Variants in LRRC7 observed in about 807,000 individuals in gnomAD.
LRRC7 encodes leucine rich repeat containing 7.
A neutral mutation model predicts 175.7 loss-of-function variants in LRRC7; 23 were observed. The observed-to-expected ratio is 0.13, with a 90% confidence interval of 0.09 to 0.19. LRRC7 has a LOEUF of 0.19. Among genes scored for constraint, LRRC7 ranks in the 10% least tolerant of loss-of-function variants. The pLI is 1.00. For missense variants in LRRC7, 1,354 were observed against 1,904.7 expected (o/e 0.71, Z 5.38); for synonymous variants, 685 against 680.9 (o/e 1.01, Z -0.09).
chr1:69,730,237 A>G (rs1667420922), intron 2 of LRRC7, among the ~76,000 whole-genome samples: 1 of 152,172 alleles, frequency 6.6e-6, no homozygotes, highest in African/African-American at 2.4e-5. Flanking sequence ...TGTCTTGGTG[A>G]TTAGTATTTG....
intron 7 of LRRC7, among the ~76,000 whole-genome samples, chr1:69,896,503 A>G (rs897256942): frequency 4.6e-5 from 7 of 152,096 alleles, no homozygotes; most frequent in Admixed American, 1.3e-4. Context: ...CATATTTTAG[A>G]TATTTATTAT....
At chr1:70,020,907 TG>T in intron 15 of LRRC7, 97 bp from the exon 16 acceptor site, 1 of 846,842 alleles carries the variant, frequency 1.2e-6, no homozygotes, top group South Asian at 3.7e-5. Context: ...TTTCCGTATT[TG>T]TTTGTAGTAT....
intron 8 of LRRC7, among the ~76,000 whole-genome samples, chr1:69,964,887 A>G (rs1248853763): frequency 2.0e-5 from 3 of 152,184 alleles, no homozygotes; most frequent in Non-Finnish European, 4.4e-5. Flanking sequence ...CTCTTATGGC[A>G]TGGTTTCCAG....
At chr1:69,827,351 C>G (rs1428198393) in intron 5 of LRRC7, among the ~76,000 whole-genome samples, 1 of 152,038 alleles carries the variant, frequency 6.6e-6, no homozygotes, top group Non-Finnish European at 1.5e-5. Context: ...TGAGAAATTT[C>G]AAGTCTATGG....
Position 70,036,507 on chromosome 1 carries a change from C to G in LRRC7, c.2171C>G (p.Thr724Ser). Residue 724 changes from threonine (T) to serine (S), a missense_variant, in exon 20 of 27, where the codon ACT becomes AGT. Around this residue, in one of 4 missense-constraint regions of LRRC7, gnomAD observed 1,032 missense variants for 1,227.2 expected, o/e 0.84. Transcript: ENST00000651989. ...HCLNNSVSSG[T>S]YSDYSPSQAS... ...CTGAATAACAGTGTTTCCTCAGGCA[C>G]TTACTCAGACTACTCGCCTTCCCAG... is the stretch of plus-strand genomic sequence containing the variant. 1 of 1,614,008 alleles carries G rather than the reference C, an allele frequency of 6.2e-7. No individual in the cohort carries two copies. The highest frequency in any genetic ancestry group is 1.1e-5 in the South Asian group (1 of 91,082).
At position 69,792,064 on chromosome 1, in the gene LRRC7, C is replaced by T. The variant is rs1256510461; in HGVS notation, c.325C>T (p.Leu109=). ...ACAGCAATTGTTCAACTGTCAAGCT[C>T]TACGAAAACTAAGTATTCCTGATAA... The part of the protein sequence containing the change: ...LPKQLFNCQA[L]RKLSIPDNDL... Residue 109 remains leucine (L), a synonymous_variant, in exon 4 of 27, where the codon CTA becomes TTA. Coordinates refer to ENST00000651989, the MANE Select transcript of LRRC7 (RefSeq NM_001370785.2). 6.2e-7 allele frequency: 1 copy of T among 1,606,364 alleles called. No homozygotes were observed. Among genetic ancestry groups the T allele is most frequent in the Non-Finnish European group, 8.5e-7 (1 of 1,174,148 alleles).
intron 4 of LRRC7, among the ~76,000 whole-genome samples, chr1:69,795,136 C>T (rs566796478): frequency 5.3e-5 from 8 of 152,238 alleles, no homozygotes; most frequent in East Asian, 1.9e-4. Context: ...AATCCCAGCA[C>T]TTTGAGAGGC....
rs575912760 is a variant in LRRC7, at chr1:70,010,869, T to A, written c.1005-928T>A. Among the ~76,000 whole-genome samples the A allele has an allele frequency of 3.3e-5, 5 of 152,238 alleles. No individual in the cohort carries two copies. In the South Asian group the frequency reaches 1.0e-3, roughly 32 times the overall value. ...CATCTATACAATTCCTTTCTGTAGA[T>A]CTGAAGTAAAGCCGGCTAAGTATGG... On this transcript the variant is annotated intron_variant, in intron 11 of 26. Coordinates refer to ENST00000651989, the MANE Select transcript of LRRC7 (RefSeq NM_001370785.2).
At chr1:69,972,394 T>C (rs1652328746) in intron 8 of LRRC7, among the ~76,000 whole-genome samples, 1 of 152,204 alleles carries the variant, frequency 6.6e-6, no homozygotes, top group Non-Finnish European at 1.5e-5. Flanking sequence ...ATGTGCAGAA[T>C]CTACAACAAA....
intron 2 of LRRC7, among the ~76,000 whole-genome samples, chr1:69,715,216 T>C (rs182783801): frequency 6.6e-6 from 1 of 152,280 alleles, no homozygotes; most frequent in East Asian, 1.9e-4. Context: ...TTTTAAGACA[T>C]ACCAGGCCCT....
At chr1:69,688,221 G>A (rs116792806) in intron 2 of LRRC7, among the ~76,000 whole-genome samples, 72 of 152,328 alleles carry the variant, frequency 4.7e-4, no homozygotes, top group African/African-American at 1.6e-3. Flanking sequence ...AGGAACATTA[G>A]TGAAATGTAA....
chr1:69,757,685 A>T (rs80131397), intron 2 of LRRC7, among the ~76,000 whole-genome samples: 1,612 of 152,018 alleles, frequency 0.011, 37 homozygotes, highest in African/African-American at 0.037. Context: ...CTTAGTTCAT[A>T]ATTTAAAATG....
At chr1:69,760,439 T>A in intron 3 of LRRC7, 46 bp downstream of exon 3, 1 of 1,485,460 alleles carries the variant, frequency 6.7e-7, no homozygotes, top group Non-Finnish European at 9.4e-7. Context: ...GAGTATTTCA[T>A]AATTTTCAAA....
chr1:69,848,941 A>T (rs1191059062), intron 7 of LRRC7, among the ~76,000 whole-genome samples: 3 of 152,010 alleles, frequency 2.0e-5, no homozygotes, highest in Non-Finnish European at 4.4e-5. Context: ...AAAAAAAATC[A>T]TTTTCTTACC....
chr1:69,587,907 C>T (rs114803656), intron 1 of LRRC7, among the ~76,000 whole-genome samples: 4,316 of 152,192 alleles, frequency 0.028, 78 homozygotes, highest in South Asian at 0.058. Context: ...TATAAATTAC[C>T]CAGTCTCAGG....
intron 8 of LRRC7, among the ~76,000 whole-genome samples, chr1:69,947,878 A>G (rs2101814704): frequency 6.6e-6 from 1 of 152,248 alleles, no homozygotes; most frequent in Non-Finnish European, 1.5e-5. Context: ...AACAATTATA[A>G]CAATATACTG....
chr1:69,663,968 G>A (rs534290237), intron 1 of LRRC7, among the ~76,000 whole-genome samples: 2 of 151,848 alleles, frequency 1.3e-5, no homozygotes, highest in African/African-American at 4.8e-5. Context: ...TGATCCACCC[G>A]CCTCGGCCTC....
In LRRC7 at chr1:70,106,786, T is replaced by G. The variant is rs188781528; in HGVS notation, c.4546-966T>G. ...AACAGGCACACTCACTTATGTGCTG[T>G]CCCCTCTCTCTGCAATTTCCTTCTT... On this transcript the variant is annotated intron_variant, in intron 25 of 26. Coordinates refer to ENST00000651989, the MANE Select transcript of LRRC7 (RefSeq NM_001370785.2). 2.2e-4 allele frequency among the ~76,000 whole-genome samples: 33 copies of G among 152,312 alleles called. No individual in the cohort carries two copies. The East Asian group carries it at 6.2e-3, about 28-fold the overall frequency.
intron 2 of LRRC7, among the ~76,000 whole-genome samples, chr1:69,708,589 T>C (rs1000676348): frequency 2.6e-5 from 4 of 152,180 alleles, no homozygotes; most frequent in African/African-American, 7.2e-5. Context: ...TTCTGTGGTA[T>C]GCAATTCTAA....
Sources: gnomAD v4.1 joint callset for allele counts (sites outside exome capture counted in the v4.1 genomes callset) on GRCh38, gnomAD v4.1.1 for gene constraint, gnomAD v4.1.1 regional missense constraint, MANE v1.5 for transcripts, NCBI Gene and HGNC (gene_info 2026-07-23, HGNC 2026-07-21) for gene names.